TRANK1: variants seen among roughly 807,000 people sequenced by gnomAD.
TRANK1 encodes the protein TPR and ankyrin repeat-containing protein 1.
In TRANK1, 198 loss-of-function variants were observed where a neutral mutation model predicts 266.0. The observed-to-expected ratio is 0.74, with a 90% confidence interval of 0.66 to 0.84. The LOEUF is 0.84. Among genes scored for constraint, TRANK1 ranks in the 40% least tolerant of loss-of-function variants. The pLI, the probability that TRANK1 is intolerant of heterozygous loss-of-function variation, is 0.00. For missense variants in TRANK1, 3,326 were observed against 3,634.6 expected, an observed-to-expected ratio of 0.92 and a Z score of 2.18; for synonymous variants, 1,396 against 1,384.1, an observed-to-expected ratio of 1.01 and a Z score of -0.19.
chr3:36,914,016 G>A (rs1348627672), intron 1 of TRANK1, among the ~76,000 whole-genome samples: 1 of 152,070 alleles, frequency 6.6e-6, no homozygotes, highest in African/African-American at 2.4e-5. Flanking sequence ...GACCAGCTCC[G>A]AACTGTTTTT....
In TRANK1 at chr3:36,866,052, A is replaced by G. The variant is rs202241753; in HGVS notation, c.1079-1572T>C. 7.8e-5 allele frequency among the ~76,000 whole-genome samples: 10 copies of G among 127,876 alleles called. No homozygotes were observed. The South Asian group carries it at 8.5e-4, about 11-fold the overall frequency. The allele number at this position is 127,876 out of a possible 152,430, so 83.9% of individuals were successfully genotyped here. On this transcript the variant is annotated intron_variant, in intron 9 of 23. Coordinates refer to ENST00000645898, the MANE Select transcript of TRANK1 (RefSeq NM_001329998.2). ...AGAGAGAGAGAGACAGACAGAAAGA[A>G]AAAGAAAGAAAGAAAGAAAGAAAGA...
At chr3:36,902,203 C>G (rs965003935) in intron 3 of TRANK1, among the ~76,000 whole-genome samples, 1 of 152,170 alleles carries the variant, frequency 6.6e-6, no homozygotes, top group Admixed American at 6.5e-5. Context: ...TGTCCTGGGC[C>G]AGGGGTTGGA....
rs1437915220 is a variant in TRANK1 at position 36,827,805 on chromosome 3, A to G, written c.*470T>C. On this transcript the variant is annotated 3_prime_UTR_variant, in exon 24 of 24. Transcript: ENST00000645898. ...CCAGTGGCAGGGCCCACCCCTGGGC[A>G]CATACAGCTCTCATAGCACACTTGA... 6.5e-6 allele frequency: 1 copy of G among 154,720 alleles called. No homozygotes were observed. Among genetic ancestry groups the G allele is most frequent in the Non-Finnish European group, 1.4e-5 (1 of 69,476 alleles). 9.6% of individuals were successfully genotyped at this position (154,720 alleles called of 1,614,324 possible).
At chr3:36,881,372 C>G (rs1451483644) in intron 8 of TRANK1, among the ~76,000 whole-genome samples, 1 of 151,932 alleles carries the variant, frequency 6.6e-6, no homozygotes, top group Non-Finnish European at 1.5e-5. Flanking sequence ...TGGCGTGAAC[C>G]CAGGAGGCAG....
At chr3:36,920,564 T>C (rs1408978562) in intron 1 of TRANK1, among the ~76,000 whole-genome samples, 1 of 152,222 alleles carries the variant, frequency 6.6e-6, no homozygotes, top group Non-Finnish European at 1.5e-5. Context: ...TGGATAAGCT[T>C]CTAGAAGAGA....
intron 20 of TRANK1, among the ~76,000 whole-genome samples, chr3:36,837,005 T>C (rs1409529491): frequency 6.6e-6 from 1 of 152,220 alleles, no homozygotes; most frequent in African/African-American, 2.4e-5. Context: ...AAGGCCCTAC[T>C]GATCTGGCCC....
Position 36,893,781 on chromosome 3 carries a change from AG to A in TRANK1, c.553-798del, listed in dbSNP as rs2079745854. Among the ~76,000 whole-genome samples the A allele has an allele frequency of 2.0e-5, 3 of 152,286 alleles. No homozygotes were observed. In the South Asian group the frequency reaches 6.2e-4, roughly 32 times the overall value. On this transcript the variant is annotated intron_variant, in intron 5 of 23. Transcript: ENST00000645898. ...TGACCATGACTGGAGACCCAGTCTC[AG>A]CTCCAGCCTCTCTCATGTATGGCTT...
intron 8 of TRANK1, among the ~76,000 whole-genome samples, chr3:36,887,768 T>C (rs1364455767): frequency 6.6e-6 from 1 of 152,242 alleles, no homozygotes; most frequent in Non-Finnish European, 1.5e-5. Flanking sequence ...TCTGAGCTTC[T>C]GTCTTGAAGA....
rs1445639215 is a variant in TRANK1 at position 36,857,882 on chromosome 3, G to A, written c.1840C>T (p.Leu614=). ...LKRVKKLLDL[L]VKFDINFNLK... Reference sequence around the variant, plus strand: ...TTGAAGTTGATGTCAAACTTCACCAGCAGGTCTAACAGCTTCTTCACGCGC... The same window carrying A: ...TTGAAGTTGATGTCAAACTTCACCAACAGGTCTAACAGCTTCTTCACGCGC... Residue 614 remains leucine, a synonymous_variant, in exon 13 of 24, where the codon CTG becomes TTG. Transcript: ENST00000645898. This position sits in a 1 kb window ranked among gnomAD's most constrained non-coding sequence, Gnocchi z 4.3. The A allele has an allele frequency of 1.1e-5, 18 of 1,612,490 alleles. No individual in the cohort carries two copies. The highest frequency in any genetic ancestry group is 1.5e-5 in the Non-Finnish European group (18 of 1,179,904).
intron 1 of TRANK1, among the ~76,000 whole-genome samples, chr3:36,919,510 T>C (rs1417923088): frequency 6.6e-6 from 1 of 152,268 alleles, no homozygotes; most frequent in African/African-American, 2.4e-5. Context: ...TACCACAATT[T>C]ACTTATCCAT....
intron 20 of TRANK1, among the ~76,000 whole-genome samples, chr3:36,835,485 T>C (rs1575179993): frequency 1.3e-5 from 2 of 152,092 alleles, no homozygotes; most frequent in East Asian, 1.9e-4. Context: ...TGGGAAAATA[T>C]GTGAGAATAT....
chr3:36,931,537 T>C (rs2080360041), intron 1 of TRANK1, among the ~76,000 whole-genome samples: 1 of 151,796 alleles, frequency 6.6e-6, no homozygotes, highest in Non-Finnish European at 1.5e-5. Context: ...AGACCTCATC[T>C]CTACAAAAAA....
In TRANK1 at chr3:36,829,540, GTCCCCACAA is replaced by G. The variant is rs1559410264; in HGVS notation, c.8809+15_8809+23del. 7 of 1,612,454 alleles carry G rather than the reference GTCCCCACAA, an allele frequency of 4.3e-6. No homozygotes were observed. Among genetic ancestry groups the G allele is most frequent in the Non-Finnish European group, 5.9e-6 (7 of 1,178,520 alleles). On this transcript the variant is annotated intron_variant, in intron 23 of 23. Transcript: ENST00000645898. ...AACCACAGGACCCAAAGTGTTACCTGTCCCCACAATCAAGACTCCTTACCTTCCTTCTTT... is the reference window on the plus strand; with the variant it reads ...AACCACAGGACCCAAAGTGTTACCTGTCAAGACTCCTTACCTTCCTTCTTT...
intron 4 of TRANK1, among the ~76,000 whole-genome samples, chr3:36,897,602 C>G (rs1476822954): frequency 6.6e-6 from 1 of 152,230 alleles, no homozygotes; most frequent in African/African-American, 2.4e-5. Context: ...TGATTGATAA[C>G]AGTCTATCCA....
chr3:36,834,490 A>G, intron 21 of TRANK1: 1 of 337,628 alleles, frequency 3.0e-6, no homozygotes, highest in Non-Finnish European at 5.3e-6. Flanking sequence ...TGGAAGTCAG[A>G]ATACGTCATT....
At chr3:36,943,042 T>A (rs1304133739) in intron 1 of TRANK1, among the ~76,000 whole-genome samples, 1 of 152,002 alleles carries the variant, frequency 6.6e-6, no homozygotes. Flanking sequence ...TTAGTCAGGC[T>A]TGGTGGCGCC....
chr3:36,914,070 A>G (rs1375462776), intron 1 of TRANK1, among the ~76,000 whole-genome samples: 1 of 152,112 alleles, frequency 6.6e-6, no homozygotes, highest in Non-Finnish European at 1.5e-5. Flanking sequence ...CAAAAAGTAA[A>G]CACCATAAAT....
At chr3:36,867,029 G>T (rs534757109) in intron 9 of TRANK1, among the ~76,000 whole-genome samples, 1 of 152,162 alleles carries the variant, frequency 6.6e-6, no homozygotes, top group African/African-American at 2.4e-5. Context: ...AACAGAAAAT[G>T]ATAATCATTT....
intron 12 of TRANK1, 143 bp downstream of exon 12, chr3:36,858,575 G>C (rs2079090985): frequency 1.1e-6 from 1 of 928,184 alleles, no homozygotes. Context: ...TGAGGGGCCA[G>C]GTGACATGGG....
Sources: gnomAD v4.1 joint callset for allele counts (sites outside exome capture counted in the v4.1 genomes callset) on GRCh38, gnomAD v4.1.1 for gene constraint, Gnocchi (gnomAD v3.1) non-coding constraint, MANE v1.5 for transcripts, NCBI Gene and HGNC (gene_info 2026-07-23, HGNC 2026-07-21) for gene names.